Variants in MCUB observed in about 807,000 individuals in gnomAD.
MCUB encodes calcium uniporter regulatory subunit MCUb, mitochondrial.
A neutral mutation model predicts 41.4 loss-of-function variants in MCUB; 46 were observed. That is an observed-to-expected ratio of 1.11 (90% CI 0.88 to 1.42). The LOEUF is 1.42. MCUB is among the 40% of genes most tolerant of loss of function. The pLI is 0.00. For synonymous variants in MCUB, 148 were observed against 148.2 expected (o/e 1.00, Z 0.01); for missense variants, 403 against 404.9 (o/e 1.00, Z 0.04).
intron 1 of MCUB, among the ~76,000 whole-genome samples, chr4:109,601,625 T>C (rs949267607): frequency 2.0e-5 from 3 of 152,228 alleles, no homozygotes; most frequent in Non-Finnish European, 4.4e-5. Flanking sequence ...CCACACTTTC[T>C]TTATTCATCT....
At chr4:109,612,079 G>T (rs1403078291) in intron 1 of MCUB, among the ~76,000 whole-genome samples, 1 of 152,004 alleles carries the variant, frequency 6.6e-6, no homozygotes. Flanking sequence ...ATATAGATGG[G>T]GTGGCTTATA....
chr4:109,613,924 T>C (rs559552875), intron 1 of MCUB, among the ~76,000 whole-genome samples: 4 of 152,324 alleles, frequency 2.6e-5, no homozygotes, highest in East Asian at 1.9e-4. Flanking sequence ...TTGACTGATA[T>C]TGAAGTTGAT....
intron 3 of MCUB, among the ~76,000 whole-genome samples, chr4:109,663,535 C>T (rs1472610141): frequency 6.6e-6 from 1 of 151,768 alleles, no homozygotes; most frequent in Admixed American, 6.6e-5. Context: ...TTAGGCATCA[C>T]GTTCATTATT....
Position 109,682,601 on chromosome 4 carries a change from C to T in MCUB, c.471C>T (p.His157=). Residue 157 remains histidine (H), a synonymous_variant, in exon 5 of 8, where the codon CAC becomes CAT. Transcript: ENST00000394650. ...TCTCAGAAAAACCAAGTAATGAGCA[C>T]ACTGCTGAGATGGAACACATGAAAT... is the stretch of plus-strand genomic sequence containing the variant. ...CPKREKPSNE[H]TAEMEHMKSL... 1.2e-6 allele frequency: 2 copies of T among 1,610,570 alleles called. No homozygotes were observed. The highest frequency in any genetic ancestry group is 1.7e-6 in the Non-Finnish European group (2 of 1,178,666).
At chr4:109,670,960 T>G (rs1276344843) in intron 4 of MCUB, among the ~76,000 whole-genome samples, 2 of 152,168 alleles carry the variant, frequency 1.3e-5, no homozygotes. Flanking sequence ...CAGTTACAGT[T>G]CAGGTTTTCC....
chr4:109,560,331 C>G lies in MCUB; in HGVS notation c.-7C>G. 8.0e-7 allele frequency: 1 copy of G among 1,251,014 alleles called. No individual in the cohort carries two copies. The highest frequency in any genetic ancestry group is 1.0e-6 in the Non-Finnish European group (1 of 994,608). 77.5% of individuals were successfully genotyped at this position (1,251,014 alleles called of 1,614,324 possible). Reference sequence around the variant, plus strand: ...GCCTGCGGGAGCCGCGCGCCTGGGGCGGGAGGATGCTCCAGAGGGGCCTCT... The same window carrying G: ...GCCTGCGGGAGCCGCGCGCCTGGGGGGGGAGGATGCTCCAGAGGGGCCTCT... On this transcript the variant is annotated 5_prime_UTR_variant, in exon 1 of 8. Transcript: ENST00000394650.
At chr4:109,620,583 A>C (rs1728230881) in intron 1 of MCUB, among the ~76,000 whole-genome samples, 1 of 151,340 alleles carries the variant, frequency 6.6e-6, no homozygotes, top group South Asian at 2.1e-4. Context: ...TTATAATCTC[A>C]TGAATGTATA....
intron 1 of MCUB, among the ~76,000 whole-genome samples, chr4:109,613,192 A>G (rs1728056088): frequency 6.6e-6 from 1 of 152,208 alleles, no homozygotes; most frequent in African/African-American, 2.4e-5. Flanking sequence ...TAGCAACAAA[A>G]TATTGGAGTA....
intron 1 of MCUB, among the ~76,000 whole-genome samples, chr4:109,633,012 GA>G (rs1012652881): frequency 5.3e-5 from 8 of 152,268 alleles, no homozygotes; most frequent in Admixed American, 2.0e-4. Flanking sequence ...CCAAAATAAT[GA>G]TTATGAAACT....
chr4:109,647,605 G>A (rs1255306920), intron 1 of MCUB, among the ~76,000 whole-genome samples: 1 of 152,170 alleles, frequency 6.6e-6, no homozygotes, highest in African/African-American at 2.4e-5. Flanking sequence ...CATATTGGCT[G>A]CTTCCAAGTT....
intron 1 of MCUB, among the ~76,000 whole-genome samples, chr4:109,585,591 T>G (rs1165526442): frequency 6.6e-6 from 1 of 152,226 alleles, no homozygotes; most frequent in Non-Finnish European, 1.5e-5. Flanking sequence ...TGGTACTGGT[T>G]GTTCTTTTCC....
chr4:109,641,490 A>G (rs1432875981), intron 1 of MCUB, among the ~76,000 whole-genome samples: 2 of 152,174 alleles, frequency 1.3e-5, no homozygotes, highest in Non-Finnish European at 2.9e-5. Context: ...TAGTAACATC[A>G]AAGATCACAG....
intron 1 of MCUB, among the ~76,000 whole-genome samples, chr4:109,637,714 C>A (rs1045996318): frequency 6.6e-6 from 1 of 152,000 alleles, no homozygotes; most frequent in African/African-American, 2.4e-5. Context: ...TACCCAAAGG[C>A]GTAAGAATGA....
At position 109,577,104 on chromosome 4, in the gene MCUB, C is replaced by T. The variant is rs545787906; in HGVS notation, c.99+16668C>T. Among the ~76,000 whole-genome samples the T allele has an allele frequency of 2.2e-4, 34 of 152,236 alleles. No individual in the cohort carries two copies. The South Asian group carries it at 6.2e-3, about 28-fold the overall frequency. ...TTACCTCAAGTGATCTGCCTGCCTC[C>T]GCCTCCCAAAGTGCTGGGATTACAG... On this transcript the variant is annotated intron_variant, in intron 1 of 7. Transcript: ENST00000394650.
chr4:109,618,987 T>TACCTACCAAC, intron 1 of MCUB, among the ~76,000 whole-genome samples: 1 of 144,888 alleles, frequency 6.9e-6, no homozygotes, highest in Admixed American at 6.8e-5. Context: ...TCTCTCTCTC[T>TACCTACCAAC]CTACCTACCA....
chr4:109,614,995 G>A (rs1305017844), intron 1 of MCUB, among the ~76,000 whole-genome samples: 2 of 152,182 alleles, frequency 1.3e-5, no homozygotes, highest in Non-Finnish European at 2.9e-5. Context: ...GGATTTGACA[G>A]AACAAGTGCT....
chr4:109,688,683 T>C lies in MCUB; in HGVS notation c.*1091T>C, dbSNP rs1305438473. 1 of 152,168 alleles carries C rather than the reference T, an allele frequency of 6.6e-6. No individual in the cohort carries two copies. The highest frequency in any genetic ancestry group is 1.5e-5 in the Non-Finnish European group (1 of 68,034). 9.4% of individuals were successfully genotyped at this position (152,168 alleles called of 1,614,324 possible). On this transcript the variant is annotated 3_prime_UTR_variant, in exon 8 of 8. Transcript: ENST00000394650. The stretch of plus-strand genomic sequence containing the variant: ...TTAATTCCTGGATTTCAAAAACCTT[T>C]AAAAACATCAAACAATAAACTTTTA...
intron 1 of MCUB, among the ~76,000 whole-genome samples, chr4:109,614,098 C>T (rs1728075498): frequency 6.6e-6 from 1 of 152,178 alleles, no homozygotes; most frequent in Admixed American, 6.5e-5. Context: ...CAACAGTCTA[C>T]CCAGTGGTTC....
intron 1 of MCUB, among the ~76,000 whole-genome samples, chr4:109,655,732 G>A (rs1554019823): frequency 2.0e-5 from 3 of 152,058 alleles, no homozygotes; most frequent in Non-Finnish European, 2.9e-5. Context: ...ATGTTGCCAC[G>A]AAGCCTGGGG....
Sources: gnomAD v4.1 joint callset for allele counts (sites outside exome capture counted in the v4.1 genomes callset) on GRCh38, gnomAD v4.1.1 for gene constraint, MANE v1.5 for transcripts, NCBI Gene and HGNC (gene_info 2026-07-23, HGNC 2026-07-21) for gene names.